Variants in MARK1 observed in about 807,000 individuals in gnomAD.
MARK1 encodes the protein serine/threonine-protein kinase MARK1.
MARK1 carries 40 observed loss-of-function variants against 96.3 expected under a neutral mutation model. The observed-to-expected ratio is 0.42, with a 90% CI of 0.32 to 0.54. The LOEUF is 0.54. MARK1 is among the 20% of genes least tolerant of loss of function. The pLI is 0.16. For synonymous variants in MARK1, 317 were observed against 341.2 expected (o/e 0.93, Z 0.78); for missense variants, 719 against 984.6 (o/e 0.73, Z 3.61).
In MARK1 at chr1:220,652,142, C is replaced by T; in HGVS notation, c.1728C>T (p.Tyr576=). The change falls in exon 15 of 18, where the codon TAC becomes TAT. Residue 576 remains tyrosine, a synonymous_variant. Transcript: ENST00000366917. ...CCATTAAAGACGGCTCTGAAGCTTACCGGCCTGGGTAATGTGTTGGTTACA... is the reference window on the plus strand; with the variant it reads ...CCATTAAAGACGGCTCTGAAGCTTATCGGCCTGGGTAATGTGTTGGTTACA... The part of the protein sequence containing the change: ...LPTIKDGSEA[Y]RPGTTQRVPA... 1 of 1,603,840 alleles carries T rather than the reference C, an allele frequency of 6.2e-7. No individual in the cohort carries two copies. Among genetic ancestry groups the T allele is most frequent in the Non-Finnish European group, 8.5e-7 (1 of 1,171,690 alleles).
At chr1:220,651,904 T>A (rs1282072673) in intron 14 of MARK1, 82 bp from the exon 15 acceptor site, 6 of 1,171,354 alleles carry the variant, frequency 5.1e-6, no homozygotes, top group Non-Finnish European at 5.9e-6. Flanking sequence ...TTAGATTTTT[T>A]AAAATATAGT....
At chr1:220,576,004 T>TCTCC (rs1558269837) in intron 1 of MARK1, among the ~76,000 whole-genome samples, 6 of 2,510 alleles carry the variant, frequency 2.4e-3, no homozygotes, top group African/African-American at 4.6e-3. Context: ...TTTTTTCTTC[T>TCTCC]CTCCCTCCCT....
intron 5 of MARK1, among the ~76,000 whole-genome samples, chr1:220,602,883 G>T (rs2102918145): frequency 6.6e-6 from 1 of 152,122 alleles, no homozygotes; most frequent in Admixed American, 6.5e-5. Flanking sequence ...GTACAAAAAT[G>T]CAATTTATTG....
chr1:220,628,714 C>T (rs933256522), intron 9 of MARK1, among the ~76,000 whole-genome samples: 3 of 152,140 alleles, frequency 2.0e-5, no homozygotes, highest in African/African-American at 7.2e-5. Flanking sequence ...GTACAGCATC[C>T]TCTGTAGGCT....
chr1:220,533,472 G>A (rs1001307786), intron 1 of MARK1, among the ~76,000 whole-genome samples: 2 of 151,696 alleles, frequency 1.3e-5, no homozygotes, highest in Non-Finnish European at 2.9e-5. Context: ...TGTTTCCTTT[G>A]GGTGTCATTT....
chr1:220,576,216 C>T (rs1663837811), intron 1 of MARK1, among the ~76,000 whole-genome samples: 5 of 151,538 alleles, frequency 3.3e-5, no homozygotes, highest in Admixed American at 3.3e-4. Context: ...TATGATTTCT[C>T]ATGAGTCAGA....
chr1:220,627,295 A>G (rs1667402081), intron 9 of MARK1: 4 of 503,374 alleles, frequency 7.9e-6, no homozygotes, highest in East Asian at 5.8e-5. Flanking sequence ...GGGTGGCCAC[A>G]AGAACTCTTC....
At chr1:220,652,724 G>A (rs1407504069) in intron 15 of MARK1, among the ~76,000 whole-genome samples, 1 of 151,978 alleles carries the variant, frequency 6.6e-6, no homozygotes, top group Non-Finnish European at 1.5e-5. Flanking sequence ...GCATCACTGA[G>A]GCCTAAATTA....
chr1:220,580,021 C>T (rs1258825674), intron 2 of MARK1, among the ~76,000 whole-genome samples: 2 of 151,740 alleles, frequency 1.3e-5, no homozygotes, highest in African/African-American at 4.8e-5. Context: ...TCTAAAATCT[C>T]GTGTGTTTTA....
chr1:220,541,661 C>T (rs1661157798), intron 1 of MARK1, among the ~76,000 whole-genome samples: 1 of 152,158 alleles, frequency 6.6e-6, no homozygotes, highest in African/African-American at 2.4e-5. Context: ...TAATATTCTT[C>T]TTTGTCTGTT....
chr1:220,647,507 T>G (rs971638892), intron 13 of MARK1, among the ~76,000 whole-genome samples: 7 of 152,126 alleles, frequency 4.6e-5, no homozygotes, highest in Non-Finnish European at 7.4e-5. Flanking sequence ...GATTTAGAAC[T>G]GGAAATATCA....
intron 7 of MARK1, 73 bp downstream of exon 7, chr1:220,616,068 G>A: frequency 5.3e-6 from 4 of 754,694 alleles, no homozygotes; most frequent in Admixed American, 2.6e-5. Context: ...TAATATTAGA[G>A]CTGTCTATTT....
At chr1:220,572,870 C>A (rs529596750) in intron 1 of MARK1, among the ~76,000 whole-genome samples, 1 of 152,264 alleles carries the variant, frequency 6.6e-6, no homozygotes, top group South Asian at 2.1e-4. Context: ...TTTTGTTAAT[C>A]TAAAAATGTC....
chr1:220,641,034 T>C (rs1668238081), intron 13 of MARK1, among the ~76,000 whole-genome samples: 1 of 152,244 alleles, frequency 6.6e-6, no homozygotes, highest in Non-Finnish European at 1.5e-5. Context: ...ATGTGGGAGT[T>C]CAGGGAAAAC....
chr1:220,614,568 C>T (rs145227311), intron 6 of MARK1, among the ~76,000 whole-genome samples: 2,350 of 151,436 alleles, frequency 0.016, 33 homozygotes, highest in Middle Eastern at 0.045. Context: ...TAATATATAC[C>T]TCTATATATA....
intron 5 of MARK1, among the ~76,000 whole-genome samples, chr1:220,601,929 C>T (rs981751946): frequency 1.6e-4 from 24 of 152,106 alleles, no homozygotes; most frequent in Non-Finnish European, 3.2e-4. Flanking sequence ...CTGATTCCTG[C>T]GATAGGTTTT....
chr1:220,637,113 G>A (rs943172264), intron 13 of MARK1, among the ~76,000 whole-genome samples: 3 of 152,048 alleles, frequency 2.0e-5, no homozygotes, highest in African/African-American at 7.2e-5. Flanking sequence ...TTTACTACAC[G>A]GTGACCATTT....
intron 17 of MARK1, among the ~76,000 whole-genome samples, chr1:220,660,033 A>G (rs1669390528): frequency 6.6e-6 from 1 of 152,200 alleles, no homozygotes. Context: ...TGGTCCTGCC[A>G]CCTTGGCCTC....
At position 220,662,599 on chromosome 1, in the gene MARK1, A is replaced by G. The variant is rs1200638602; in HGVS notation, c.*433A>G. On this transcript the variant is annotated 3_prime_UTR_variant, in exon 18 of 18. Coordinates refer to ENST00000366917, the MANE Select transcript of MARK1 (RefSeq NM_018650.5). ...TTTTGAAAATTGTGTCCAGAATTAA[A>G]AGTGCATAGAAATAGCCTTTACAAT... 6.2e-6 allele frequency: 1 copy of G among 160,016 alleles called. No individual in the cohort carries two copies. Among genetic ancestry groups the G allele is most frequent in the Non-Finnish European group, 1.4e-5 (1 of 72,136 alleles). 9.9% of individuals were successfully genotyped at this position (160,016 alleles called of 1,614,324 possible).
Sources: gnomAD v4.1 joint callset for allele counts (sites outside exome capture counted in the v4.1 genomes callset) on GRCh38, gnomAD v4.1.1 for gene constraint, MANE v1.5 for transcripts, NCBI Gene and HGNC (gene_info 2026-07-23, HGNC 2026-07-21) for gene names.